Variants in PRKAG2 observed in about 807,000 individuals in gnomAD.
PRKAG2 encodes the protein 5'-AMP-activated protein kinase subunit gamma-2.
In PRKAG2, 26 loss-of-function variants were observed where a neutral mutation model predicts 69.6. The observed-to-expected ratio is 0.37, with a 90% CI of 0.27 to 0.52. The LOEUF (loss-of-function observed/expected upper bound fraction) is 0.52. Ranked by LOEUF, PRKAG2 falls within the 20% of genes least tolerant of loss-of-function variation. PRKAG2 has a pLI of 0.90. For missense variants in PRKAG2, 557 were observed against 740.0 expected, an observed-to-expected ratio of 0.75 and a Z score of 2.87; for synonymous variants, 293 against 285.0, an observed-to-expected ratio of 1.03 and a Z score of -0.28.
At position 151,656,304 on chromosome 7, in the gene PRKAG2, C is replaced by G. The variant is rs370765077; in HGVS notation, c.684+19116G>C. Among the ~76,000 whole-genome samples the G allele has an allele frequency of 1.3e-5, 2 of 152,140 alleles. 1 individual carries two copies. On this transcript the variant is annotated intron_variant, in intron 4 of 15. Transcript: ENST00000287878. ...GCATGGTGGCTTATGCCTGTGATCC[C>G]AGCAATTTGGGAGGTTGAGGTTGGG... is the stretch of plus-strand genomic sequence containing the variant.
In PRKAG2 at chr7:151,836,932, G is replaced by A. The variant is rs1021002283; in HGVS notation, c.114+39575C>T. On this transcript the variant is annotated intron_variant, in intron 1 of 15. Coordinates refer to ENST00000287878, the MANE Select transcript of PRKAG2 (RefSeq NM_016203.4). The surrounding 1 kb of genome is among the most constrained non-coding windows in gnomAD (Gnocchi z 4.1). ...AAAGGGCCCGGCCCAGCCAGCTTGC[G>A]GGGACCCCCGAGACGAGGTCCCTGC... Among the ~76,000 whole-genome samples, 4 of 152,174 alleles carry A rather than the reference G, an allele frequency of 2.6e-5. No individual in the cohort carries two copies. The highest frequency in any genetic ancestry group is 5.9e-5 in the Non-Finnish European group (4 of 68,030).
At chr7:151,642,028 TA>T (rs759629976) in intron 4 of PRKAG2, among the ~76,000 whole-genome samples, 1,935 of 95,014 alleles carry the variant, frequency 0.02, 24 homozygotes, top group African/African-American at 0.056. Flanking sequence ...ACCCCATCTT[TA>T]AAAAAAAAAA....
At chr7:151,731,522 C>CTGTGTGTGTGTGTGTGTGTG (rs113764475) in intron 3 of PRKAG2, among the ~76,000 whole-genome samples, 4 of 107,678 alleles carry the variant, frequency 3.7e-5, no homozygotes, top group African/African-American at 1.2e-4. Context: ...GGGGAGAGCT[C>CTGTGTGTGTGTGTGTGTGTG]TGTGTGTGTG....
At chr7:151,594,793 T>C (rs1328487448) in intron 6 of PRKAG2, among the ~76,000 whole-genome samples, 2 of 151,678 alleles carry the variant, frequency 1.3e-5, no homozygotes, top group African/African-American at 4.9e-5. Flanking sequence ...ACTTGTGGAC[T>C]AAGCTTTCTT....
chr7:151,841,352 A>ATAGTGATGGTAGG (rs1404863657), intron 1 of PRKAG2, among the ~76,000 whole-genome samples: 1 of 151,612 alleles, frequency 6.6e-6, no homozygotes, highest in Non-Finnish European at 1.5e-5. Flanking sequence ...GGTAGTAATG[A>ATAGTGATGGTAGG]TAGTGATGGT....
At chr7:151,773,088 A>G (rs1586427558) in intron 3 of PRKAG2, among the ~76,000 whole-genome samples, 1 of 27,568 alleles carries the variant, frequency 3.6e-5, no homozygotes, top group Non-Finnish European at 6.5e-5. Context: ...GGAGGGAGGG[A>G]GGGAGGGAAG....
intron 5 of PRKAG2, among the ~76,000 whole-genome samples, chr7:151,612,931 C>T (rs2151225037): frequency 6.6e-6 from 1 of 152,312 alleles, no homozygotes; most frequent in Middle Eastern, 3.4e-3. Context: ...TAGCGGCAGC[C>T]TCCCAGGATG....
chr7:151,640,592 C>T (rs553580416), intron 4 of PRKAG2, among the ~76,000 whole-genome samples: 1 of 152,230 alleles, frequency 6.6e-6, no homozygotes, highest in South Asian at 2.1e-4. Flanking sequence ...TTTAAAGATT[C>T]AGATCAATCT....
At chr7:151,725,351 AG>A (rs1018606524) in intron 3 of PRKAG2, among the ~76,000 whole-genome samples, 19 of 152,098 alleles carry the variant, frequency 1.2e-4, no homozygotes, top group African/African-American at 4.3e-4. Flanking sequence ...GCATAGAGAC[AG>A]GAAGTAGAAG....
chr7:151,871,868 C>T (rs1329133321), intron 1 of PRKAG2, among the ~76,000 whole-genome samples: 2 of 152,206 alleles, frequency 1.3e-5, no homozygotes, highest in Non-Finnish European at 2.9e-5. Flanking sequence ...GTCCCCAAAA[C>T]GACTCAATCC....
chr7:151,811,010 T>G (rs1184573493), intron 1 of PRKAG2, among the ~76,000 whole-genome samples: 4 of 152,060 alleles, frequency 2.6e-5, no homozygotes, highest in Admixed American at 6.5e-5. Context: ...GCAGACCCTG[T>G]CCATGTGTGA....
At chr7:151,822,185 C>G (rs1298026414) in intron 1 of PRKAG2, among the ~76,000 whole-genome samples, 1 of 152,194 alleles carries the variant, frequency 6.6e-6, no homozygotes, top group African/African-American at 2.4e-5. Context: ...CCTGCAGCCT[C>G]CTCTGGGTGG....
intron 1 of PRKAG2, among the ~76,000 whole-genome samples, chr7:151,867,245 T>C (rs2080103081): frequency 1.3e-5 from 2 of 152,162 alleles, no homozygotes; most frequent in South Asian, 4.1e-4. Flanking sequence ...GGCAGGGCCC[T>C]GTTGGATTAG....
chr7:151,746,409 A>G (rs1586243177), intron 3 of PRKAG2, among the ~76,000 whole-genome samples: 2 of 152,378 alleles, frequency 1.3e-5, no homozygotes, highest in South Asian at 4.1e-4. Context: ...AGAACCTTAA[A>G]GCAACACAGG....
At chr7:151,594,937 T>C (rs1165563590) in intron 6 of PRKAG2, among the ~76,000 whole-genome samples, 1 of 152,202 alleles carries the variant, frequency 6.6e-6, no homozygotes, top group Non-Finnish European at 1.5e-5. Flanking sequence ...TAGCTGGGAC[T>C]ACAGGCATGC....
In PRKAG2 at chr7:151,564,169, A is replaced by C; in HGVS notation, c.1493T>G (p.Leu498Arg). ...NNLDITVTQALQHRSQYFEGV... is the reference protein window; with the variant it reads ...NNLDITVTQARQHRSQYFEGV... ...TTCAAAATACTGTGAACGGTGCTGA[A>C]GGGCCTGGGTCACCGTGATATCTAG... Residue 498 changes from leucine to arginine, a missense_variant, in exon 14 of 16, where the codon CTT (leucine) becomes CGT (arginine). Physicochemically the swap from Leu to Arg is moderately radical, Grantham distance 102. This residue lies in a region of PRKAG2 where 205 missense variants were observed against 383.4 expected (regional missense o/e 0.53). Transcript: ENST00000287878. 6.2e-7 allele frequency: 1 copy of C among 1,614,198 alleles called. No homozygotes were observed. Among genetic ancestry groups the C allele is most frequent in the Non-Finnish European group, 8.5e-7 (1 of 1,180,018 alleles).
chr7:151,783,806 G>A (rs954448682), intron 2 of PRKAG2, among the ~76,000 whole-genome samples: 2 of 149,916 alleles, frequency 1.3e-5, no homozygotes, highest in African/African-American at 4.9e-5. Flanking sequence ...TCAAGCAGCT[G>A]AGGTGGGAGG....
intron 4 of PRKAG2, among the ~76,000 whole-genome samples, chr7:151,658,481 G>A (rs536660584): frequency 5.8e-5 from 4 of 68,832 alleles, no homozygotes; most frequent in East Asian, 4.0e-4. Flanking sequence ...CAAGATTGTC[G>A]CAAAAAAAAA....
At chr7:151,574,866 T>C (rs374136916) in intron 8 of PRKAG2, 25 bp downstream of exon 8, 114 of 1,613,458 alleles carry the variant, frequency 7.1e-5, no homozygotes, top group Non-Finnish European at 9.4e-5. Context: ...CTCCAACTAC[T>C]GACATAGGAA....
Sources: allele counts gnomAD v4.1 joint callset (sites outside exome capture counted in the v4.1 genomes callset), GRCh38; gene constraint gnomAD v4.1.1; regional missense constraint gnomAD v4.1.1; non-coding constraint Gnocchi (gnomAD v3.1); transcripts MANE v1.5; gene names NCBI Gene and HGNC (gene_info 2026-07-23, HGNC 2026-07-21).